Variants in PCBP3 observed in about 807,000 individuals in gnomAD.
PCBP3 encodes the protein poly(rC) binding protein 3.
Under a neutral mutation model 52.7 loss-of-function variants are expected in PCBP3, and 25 were observed. That is an observed-to-expected ratio of 0.47 (90% confidence interval 0.35 to 0.66). PCBP3 has a LOEUF of 0.66. Among genes scored for constraint, PCBP3 ranks in the 30% least tolerant of loss-of-function variants. The probability of loss-of-function intolerance (pLI) is 0.01; values close to 1 mark genes in which losing one functional copy is unlikely to be tolerated. For synonymous variants in PCBP3, 162 were observed against 183.0 expected (o/e 0.89, Z 0.93); for missense variants, 391 against 490.3 (o/e 0.80, Z 1.91).
rs552691962 is a variant in PCBP3 at position 45,798,251 on chromosome 21, G to A, written c.-126+42799G>A. The stretch of plus-strand genomic sequence containing the variant: ...TGGATGTGTACATGGATGAATGCAT[G>A]GATCCATAGAGAGAGTGAATGGATG... On this transcript the variant is annotated intron_variant, in intron 4 of 17. Transcript: ENST00000681687. Among the ~76,000 whole-genome samples, 13 of 66,308 alleles carry A rather than the reference G, an allele frequency of 2.0e-4. No individual in the cohort carries two copies. The East Asian group carries it at 5.0e-3, about 25-fold the overall frequency. The allele number at this position is 66,308 out of a possible 152,430, so 43.5% of individuals were successfully genotyped here.
intron 4 of PCBP3, among the ~76,000 whole-genome samples, chr21:45,810,561 G>A (rs960727079): frequency 1.8e-4 from 28 of 152,120 alleles, no homozygotes; most frequent in Middle Eastern, 3.4e-3. Flanking sequence ...ATCTGTGCCC[G>A]GCCAATTTTT....
intron 2 of PCBP3, among the ~76,000 whole-genome samples, chr21:45,701,662 G>C (rs1049137442): frequency 6.6e-6 from 1 of 152,168 alleles, no homozygotes; most frequent in African/African-American, 2.4e-5. Context: ...ACAATCTCAA[G>C]CAATTCTCCT....
At chr21:45,834,968 C>A (rs964161646) in intron 4 of PCBP3, among the ~76,000 whole-genome samples, 2 of 152,234 alleles carry the variant, frequency 1.3e-5, no homozygotes, top group Admixed American at 1.3e-4. Flanking sequence ...TGCGCGGTGT[C>A]CACCCGTGCT....
intron 12 of PCBP3, chr21:45,915,470 G>A (rs1245383488): frequency 1.3e-5 from 2 of 152,224 alleles, no homozygotes. Flanking sequence ...TAAAAGGTAG[G>A]ATTTTTTTCA....
At position 45,901,268 on chromosome 21, in the gene PCBP3, C is replaced by A. The variant is rs1206112155; in HGVS notation, c.339+155C>A. ...GCTCACCTCCTTTGCCTCCCAGGGC[C>A]TCTCCGCAGCTCTGGTTCACCCAGT... On this transcript the variant is annotated intron_variant, in intron 9 of 17. Transcript: ENST00000681687. The A allele has an allele frequency of 6.4e-6, 4 of 629,652 alleles. No homozygotes were observed. In the East Asian group the frequency reaches 8.0e-5, roughly 13 times the overall value. The allele number at this position is 629,652 out of a possible 1,614,324, so 39.0% of individuals were successfully genotyped here. A position where few individuals can be genotyped will look rare whatever the true frequency, so the allele number is the denominator to read the frequency against.
In PCBP3 at chr21:45,802,716, A is replaced by C. The variant is rs2146786507; in HGVS notation, c.-125-47245A>C. 6.6e-6 allele frequency among the ~76,000 whole-genome samples: 1 copy of C among 152,236 alleles called. No individual in the cohort carries two copies. Among genetic ancestry groups the C allele is most frequent in the African/African-American group, 2.4e-5 (1 of 41,550 alleles). ...GAGAGGCCCTGAGGGAGGCAGGAGC[A>C]GGAGGGGCATCGTGTCCCCAAGGAC... is the stretch of plus-strand genomic sequence containing the variant. On this transcript the variant is annotated intron_variant, in intron 4 of 17. Transcript: ENST00000681687. The surrounding 1 kb of genome is among the most constrained non-coding windows in gnomAD (Gnocchi z 5.1).
In PCBP3 at chr21:45,910,962, G is replaced by C. The variant is rs776241132; in HGVS notation, c.532G>C (p.Val178Leu). 3 of 1,612,344 alleles carry C rather than the reference G, an allele frequency of 1.9e-6. No individual in the cohort carries two copies. The highest frequency in any genetic ancestry group is 2.5e-6 in the Non-Finnish European group (3 of 1,179,918). Residue 178 changes from valine (V) to leucine (L), a missense_variant, in exon 11 of 18, where the codon GTG becomes CTG. Transcript: ENST00000681687. ...DMLPNSTERA[V>L]TISGTPDAII... The stretch of plus-strand genomic sequence containing the variant: ...GCTGCCCAACTCCACGGAGCGAGCG[G>C]TGACCATCTCGGGGACCCCAGATGC...
chr21:45,814,834 GGTGAATGATGA>G (rs1239223866), intron 4 of PCBP3, among the ~76,000 whole-genome samples: 1 of 126,144 alleles, frequency 7.9e-6, no homozygotes, highest in Non-Finnish European at 1.7e-5. Context: ...GTGAGTGAGT[GGTGAATGATGA>G]GTGAGTGGTG....
chr21:45,721,296 C>T (rs1286064829), intron 2 of PCBP3, among the ~76,000 whole-genome samples: 1 of 151,864 alleles, frequency 6.6e-6, no homozygotes, highest in African/African-American at 2.4e-5. Context: ...GCCTGTAGTC[C>T]CAGCTACTCG....
chr21:45,780,691 G>A (rs753932224), intron 4 of PCBP3, among the ~76,000 whole-genome samples: 1 of 152,198 alleles, frequency 6.6e-6, no homozygotes, highest in African/African-American at 2.4e-5. Context: ...GGAAGCATTT[G>A]TATTAAGTAA....
chr21:45,893,822 C>T (rs1290826839), intron 5 of PCBP3: 18 of 985,324 alleles, frequency 1.8e-5, no homozygotes, highest in Admixed American at 6.1e-5. Context: ...TTCTGAGAAA[C>T]GGCCAGTCCC....
chr21:45,817,878 T>C lies in PCBP3; in HGVS notation c.-125-32083T>C, dbSNP rs1173830485. 5.3e-5 allele frequency among the ~76,000 whole-genome samples: 8 copies of C among 152,204 alleles called. No homozygotes were observed. The highest frequency in any genetic ancestry group is 5.2e-4 in the Admixed American group (8 of 15,280). On this transcript the variant is annotated intron_variant, in intron 4 of 17. Transcript: ENST00000681687. This position sits in a 1 kb window ranked among gnomAD's most constrained non-coding sequence, Gnocchi z 4.3. ...TCACTTTTGAAAAGTTAATAGTCTTTATGTTTTAGGGCAATTGTATTCTAC... is the reference window on the plus strand; with the variant it reads ...TCACTTTTGAAAAGTTAATAGTCTTCATGTTTTAGGGCAATTGTATTCTAC...
At chr21:45,687,395 A>G (rs2082216305) in intron 2 of PCBP3, among the ~76,000 whole-genome samples, 2 of 152,212 alleles carry the variant, frequency 1.3e-5, no homozygotes, top group Non-Finnish European at 2.9e-5. Context: ...AGAAAAAGAA[A>G]AATCCACTAT....
At chr21:45,844,021 A>G (rs959546206) in intron 4 of PCBP3, among the ~76,000 whole-genome samples, 15 of 152,058 alleles carry the variant, frequency 9.9e-5, no homozygotes, top group Admixed American at 9.2e-4. Context: ...CTCTGACCTC[A>G]CTGCTCCTTC....
At position 45,928,681 on chromosome 21, in the gene PCBP3, C is replaced by T. The variant is rs1386202663; in HGVS notation, c.718-1236C>T. Among the ~76,000 whole-genome samples, 3 of 151,976 alleles carry T rather than the reference C, an allele frequency of 2.0e-5. No individual in the cohort carries two copies. Among genetic ancestry groups the T allele is most frequent in the African/African-American group, 7.3e-5 (3 of 41,350 alleles). On this transcript the variant is annotated intron_variant, in intron 13 of 17. Transcript: ENST00000681687. This position sits in a 1 kb window ranked among gnomAD's most constrained non-coding sequence, Gnocchi z 4.1. ...GCAGATGGCAGCTCTGCTCCGAGCG[C>T]CCACACCCCCCAGCATTGGTGGCCT...
Position 45,940,118 on chromosome 21 carries a change from C to T in PCBP3, c.998C>T (p.Thr333Met), listed in dbSNP as rs375465014. 122 of 1,614,148 alleles carry T rather than the reference C, an allele frequency of 7.6e-5. No homozygotes were observed. Among genetic ancestry groups the T allele is most frequent in the South Asian group, 5.5e-4 (50 of 91,088 alleles). ...SGAQIKIANA[T>M]EGSSERQITI... ...GCTCAGATCAAAATCGCCAACGCCA[C>T]GGAAGGGTCCTCAGAGCGTCAGATC... The change falls in exon 17 of 18, where the codon ACG becomes ATG. Residue 333 changes from threonine (T) to methionine (M), a missense_variant. Coordinates refer to ENST00000681687, the MANE Select transcript of PCBP3 (RefSeq NM_001384156.1).
In PCBP3 at chr21:45,914,016, A is replaced by G; in HGVS notation, c.666A>G (p.Ala222=). The G allele has an allele frequency of 6.2e-7, 1 of 1,613,564 alleles. No individual in the cohort carries two copies. Among genetic ancestry groups the G allele is most frequent in the Admixed American group, 1.7e-5 (1 of 60,006 alleles). Residue 222 remains alanine (A), a synonymous_variant, in exon 12 of 18, where the codon GCA becomes GCG. Transcript: ENST00000681687. ...CCGCCTCCACCCCTGTCATTTTTGCAGGTGGTCAGGTAAGAGCCGATCCGC... is the reference window on the plus strand; with the variant it reads ...CCGCCTCCACCCCTGTCATTTTTGCGGGTGGTCAGGTAAGAGCCGATCCGC... ...PKPASTPVIF[A]GGQAYTIQGQ...
chr21:45,646,731 G>A (rs2079337210), intron 1 of PCBP3, among the ~76,000 whole-genome samples: 1 of 152,180 alleles, frequency 6.6e-6, no homozygotes, highest in South Asian at 2.1e-4. Flanking sequence ...CATGAGTTTT[G>A]GAGGGGATAT....
At chr21:45,882,478 G>A (rs780824982) in intron 5 of PCBP3, among the ~76,000 whole-genome samples, 1 of 151,756 alleles carries the variant, frequency 6.6e-6, no homozygotes, top group African/African-American at 2.4e-5. Flanking sequence ...AGTTCCCTAG[G>A]TTGTCTCTTC....
Sources: allele counts gnomAD v4.1 joint callset (sites outside exome capture counted in the v4.1 genomes callset), GRCh38; gene constraint gnomAD v4.1.1; non-coding constraint Gnocchi (gnomAD v3.1); transcripts MANE v1.5; gene names NCBI Gene and HGNC (gene_info 2026-07-23, HGNC 2026-07-21).